The following XRN1 variants were observed in gnomAD, a reference collection of about 807,000 sequenced individuals.
XRN1 encodes strand-exchange protein 1 homolog.
In XRN1, 67 loss-of-function variants were observed where a neutral mutation model predicts 222.3. That is an observed-to-expected ratio of 0.30 (90% CI 0.25 to 0.37). XRN1 has a LOEUF of 0.37. Among genes scored for constraint, XRN1 ranks in the 10% least tolerant of loss-of-function variants. XRN1 has a pLI of 1.00. For missense variants in XRN1, 1,707 were observed against 2,000.2 expected, an observed-to-expected ratio of 0.85 and a Z score of 2.80; for synonymous variants, 643 against 652.4, an observed-to-expected ratio of 0.99 and a Z score of 0.22.
chr3:142,368,962 C>A (rs2066900819), intron 27 of XRN1, among the ~76,000 whole-genome samples: 1 of 152,034 alleles, frequency 6.6e-6, no homozygotes, highest in South Asian at 2.1e-4. Flanking sequence ...GAGGCAGGTA[C>A]TATTTTATTC....
chr3:142,346,405 A>T (rs910497351), intron 33 of XRN1, among the ~76,000 whole-genome samples: 4 of 152,168 alleles, frequency 2.6e-5, no homozygotes, highest in African/African-American at 9.6e-5. Context: ...ATGCTGTGTA[A>T]ATAGTTGTCA....
At chr3:142,361,893 GTTTT>G (rs35580489) in intron 29 of XRN1, among the ~76,000 whole-genome samples, 2 of 122,112 alleles carry the variant, frequency 1.6e-5, no homozygotes, top group Admixed American at 1.6e-4. Flanking sequence ...TTTGAAGAGA[GTTTT>G]TTTTTTTTTT....
intron 37 of XRN1, among the ~76,000 whole-genome samples, chr3:142,320,536 T>G (rs978450632): frequency 7.2e-5 from 11 of 152,218 alleles, no homozygotes; most frequent in Admixed American, 3.3e-4. Context: ...TTATTTCTTT[T>G]GCTGTGCAGG....
At chr3:142,432,609 C>A in intron 2 of XRN1, 52 bp downstream of exon 2, 3 of 1,394,830 alleles carry the variant, frequency 2.2e-6, no homozygotes, top group Admixed American at 2.6e-5. Context: ...TTTAAAATAA[C>A]ATATTTTTAC....
At chr3:142,367,144 G>A (rs936591228) in intron 27 of XRN1, among the ~76,000 whole-genome samples, 3 of 152,052 alleles carry the variant, frequency 2.0e-5, no homozygotes, top group South Asian at 2.1e-4. Flanking sequence ...AAAATTAGCC[G>A]AGCATGGTGG....
intron 13 of XRN1, among the ~76,000 whole-genome samples, chr3:142,414,827 T>A (rs1387329200): frequency 2.0e-5 from 3 of 152,190 alleles, no homozygotes; most frequent in Admixed American, 1.3e-4. Flanking sequence ...TGGTTTCACA[T>A]TTCTGAAATT....
chr3:142,350,136 C>T (rs2066262801), intron 32 of XRN1, among the ~76,000 whole-genome samples: 1 of 152,100 alleles, frequency 6.6e-6, no homozygotes, highest in South Asian at 2.1e-4. Context: ...AGGCCTTAGA[C>T]ATTAGTTTGA....
At chr3:142,378,913 A>G (rs184309785) in intron 23 of XRN1, among the ~76,000 whole-genome samples, 269 of 152,270 alleles carry the variant, frequency 1.8e-3, no homozygotes, top group African/African-American at 6.2e-3. Flanking sequence ...TCAGAATCAG[A>G]ATGGCACAGG....
chr3:142,322,784 C>T (rs189852982), intron 37 of XRN1, among the ~76,000 whole-genome samples: 20 of 152,230 alleles, frequency 1.3e-4, no homozygotes, highest in African/African-American at 4.8e-4. Flanking sequence ...GCAGGTGGAT[C>T]ACGAGGTAAG....
intron 2 of XRN1, among the ~76,000 whole-genome samples, chr3:142,431,896 T>TC (rs2069576623): frequency 4.1e-5 from 2 of 49,048 alleles, no homozygotes; most frequent in Non-Finnish European, 7.1e-5. Context: ...ATATATAATA[T>TC]ATATATTATA....
At chr3:142,438,328 C>T (rs370853519) in intron 1 of XRN1, among the ~76,000 whole-genome samples, 4 of 140,022 alleles carry the variant, frequency 2.9e-5, no homozygotes, top group Non-Finnish European at 6.0e-5. Flanking sequence ...ATTTTGGGCA[C>T]GCTGGTAAAG....
intron 30 of XRN1, 97 bp downstream of exon 30, chr3:142,359,765 C>T (rs2066566312): frequency 2.2e-6 from 2 of 899,338 alleles, no homozygotes. Flanking sequence ...TCTTACACAT[C>T]CCACAAACTG....
chr3:142,372,696 AG>A (rs2067023974), intron 25 of XRN1, among the ~76,000 whole-genome samples: 1 of 152,234 alleles, frequency 6.6e-6, no homozygotes, highest in Non-Finnish European at 1.5e-5. Context: ...TCCTGCTGCA[AG>A]GGGATAGGTC....
chr3:142,401,024 T>C lies in XRN1; in HGVS notation c.2104-477A>G, dbSNP rs959128931. 2.0e-5 allele frequency among the ~76,000 whole-genome samples: 3 copies of C among 152,226 alleles called. No individual in the cohort carries two copies. The East Asian group carries it at 5.8e-4, about 29-fold the overall frequency. The stretch of plus-strand genomic sequence containing the variant: ...TCTATCATTCTAATTATCTTCCTTA[T>C]TTTTTTATGGTAACTGAGAAAAATA... On this transcript the variant is annotated intron_variant, in intron 18 of 40. Coordinates refer to ENST00000392981, the MANE Select transcript of XRN1 (RefSeq NM_001282857.2).
At chr3:142,365,734 A>G (rs555593120) in intron 27 of XRN1, among the ~76,000 whole-genome samples, 27 of 152,188 alleles carry the variant, frequency 1.8e-4, no homozygotes, top group Non-Finnish European at 2.5e-4. Context: ...ATCTCCTCCC[A>G]GTTACTACCC....
At chr3:142,426,959 C>A in intron 2 of XRN1, 118 bp from the exon 3 acceptor site, 1 of 681,764 alleles carries the variant, frequency 1.5e-6, no homozygotes, top group South Asian at 2.0e-5. Flanking sequence ...TTTTAACGTT[C>A]AAAACATACA....
chr3:142,424,252 G>A (rs1025225166), intron 5 of XRN1, among the ~76,000 whole-genome samples: 2 of 152,194 alleles, frequency 1.3e-5, no homozygotes, highest in East Asian at 3.9e-4. Flanking sequence ...CTGCCTCTAT[G>A]CCTGGCTAAT....
chr3:142,329,634 G>A lies in XRN1; in HGVS notation c.4223-19C>T, dbSNP rs1156486533. ...TAAGATGCTACCAAAAAAGAGAAAAGAGTCTATCTTTATTAATAAAATACT... is the reference window on the plus strand; with the variant it reads ...TAAGATGCTACCAAAAAAGAGAAAAAAGTCTATCTTTATTAATAAAATACT... On this transcript the variant is annotated intron_variant, in intron 36 of 40. Coordinates refer to ENST00000392981, the MANE Select transcript of XRN1 (RefSeq NM_001282857.2). The A allele has an allele frequency of 2.0e-6, 3 of 1,523,716 alleles. No homozygotes were observed. Among genetic ancestry groups the A allele is most frequent in the Non-Finnish European group, 2.6e-6 (3 of 1,147,842 alleles). 94.4% of individuals were successfully genotyped at this position (1,523,716 alleles called of 1,614,324 possible).
rs565398638 is a variant in XRN1, at chr3:142,427,036, T to A, written c.309-195A>T. Among the ~76,000 whole-genome samples the A allele has an allele frequency of 5.3e-5, 8 of 152,334 alleles. No individual in the cohort carries two copies. In the East Asian group the frequency reaches 9.6e-4, roughly 18 times the overall value. On this transcript the variant is annotated intron_variant, in intron 2 of 40. Transcript: ENST00000392981. ...TTGTCTGTTTTGTTTATTTAAAGAA[T>A]TGAATTTTTCAGGCCAGGTGCAGTG...
Sources: gnomAD v4.1 joint callset for allele counts (sites outside exome capture counted in the v4.1 genomes callset) on GRCh38, gnomAD v4.1.1 for gene constraint, MANE v1.5 for transcripts, NCBI Gene and HGNC (gene_info 2026-07-23, HGNC 2026-07-21) for gene names.